Variants in TMEM223 observed in about 807,000 individuals in gnomAD.
The protein encoded by TMEM223 is transmembrane protein 223.
Under a neutral mutation model 14.1 loss-of-function variants are expected in TMEM223, and 14 were observed. That is an observed-to-expected ratio of 0.99 (90% confidence interval 0.66 to 1.55). TMEM223 has a LOEUF of 1.55. TMEM223 is among the 40% of genes most tolerant of loss of function. The pLI is 0.00. For missense variants in TMEM223, 346 were observed against 269.9 expected, an observed-to-expected ratio of 1.28 and a Z score of -1.97; for synonymous variants, 145 against 120.5, an observed-to-expected ratio of 1.20 and a Z score of -1.33.
chr11:62,781,343 T>G (rs2084228153), intron 1 of TMEM223, among the ~76,000 whole-genome samples: 1 of 151,904 alleles, frequency 6.6e-6, no homozygotes, highest in Non-Finnish European at 1.5e-5. Flanking sequence ...TGGTATTATA[T>G]TAAGCATCTG....
At position 62,791,659 on chromosome 11, in the gene TMEM223, G is replaced by A. The variant is rs925614624; in HGVS notation, c.316+20C>T. 2.0e-6 allele frequency: 3 copies of A among 1,509,902 alleles called. No homozygotes were observed. The highest frequency in any genetic ancestry group is 2.7e-6 in the Non-Finnish European group (3 of 1,129,124). The allele number at this position is 1,509,902 out of a possible 1,614,324, so 93.5% of individuals were successfully genotyped here. ...CCGCCACCCCACGTTGTCACAGTGGGAAGCCAGCCCACGTCTTACCGATGG... is the reference window on the plus strand; with the variant it reads ...CCGCCACCCCACGTTGTCACAGTGGAAAGCCAGCCCACGTCTTACCGATGG... On this transcript the variant is annotated intron_variant, in intron 1 of 1. Transcript: ENST00000307366.
chr11:62,781,215 G>A (rs1326247613), intron 1 of TMEM223, among the ~76,000 whole-genome samples: 2 of 149,452 alleles, frequency 1.3e-5, no homozygotes, highest in Admixed American at 6.7e-5. Flanking sequence ...CAGCCTGGGC[G>A]ACAGGGCGAG....
downstream of TMEM223, chr11:62,787,151 G>A: frequency 6.4e-7 from 1 of 1,573,512 alleles, no homozygotes; most frequent in East Asian, 2.3e-5. Flanking sequence ...CGCTGCCGCG[G>A]GCGCCTTTTC....
exon 3 of TMEM223, chr11:62,771,989 G>A (rs1384907232): frequency 4.9e-6 from 2 of 405,144 alleles, no homozygotes; most frequent in Non-Finnish European, 9.8e-6. Flanking sequence ...TCCCCATACA[G>A]CTGGCGGCTC....
intron 1 of TMEM223, chr11:62,775,645 C>A: frequency 9.5e-7 from 1 of 1,052,300 alleles, no homozygotes; most frequent in Non-Finnish European, 1.3e-6. Flanking sequence ...CATCTGGGTA[C>A]TCAGAGCTCC....
chr11:62,777,951 C>G (rs201832750), intron 1 of TMEM223: 73 of 1,611,768 alleles, frequency 4.5e-5, no homozygotes, highest in Non-Finnish European at 5.5e-5. Flanking sequence ...TGGATTCAGG[C>G]TGCTCTCCAA....
chr11:62,791,163 T>A (rs1167574424), intron 1 of TMEM223, among the ~76,000 whole-genome samples: 1 of 152,148 alleles, frequency 6.6e-6, no homozygotes, highest in Non-Finnish European at 1.5e-5. Context: ...AATGGGAAGA[T>A]GGAGAGCTTT....
At chr11:62,785,092 C>A (rs1290387840), downstream of TMEM223, among the ~76,000 whole-genome samples, 1 of 152,010 alleles carries the variant, frequency 6.6e-6, no homozygotes, top group African/African-American at 2.4e-5. Context: ...ATCCTTTGGC[C>A]TTCCCAAAGT....
chr11:62,790,572 G>C lies in TMEM223; in HGVS notation c.*51C>G, dbSNP rs550678956. ...GAACCAACACACCTGGCTCCCCAAG[G>C]TTCAGTTTTTATCCTCCTCTTGGAG... On this transcript the variant is annotated 3_prime_UTR_variant, in exon 2 of 2. Coordinates refer to ENST00000307366, the MANE Select transcript of TMEM223 (RefSeq NM_001080501.3). The C allele has an allele frequency of 6.6e-7, 1 of 1,520,572 alleles. No homozygotes were observed. The highest frequency in any genetic ancestry group is 8.9e-7 in the Non-Finnish European group (1 of 1,121,626). 94.2% of individuals were successfully genotyped at this position (1,520,572 alleles called of 1,614,324 possible).
Position 62,790,406 on chromosome 11 carries a change from G to A in TMEM223, c.*217C>T, listed in dbSNP as rs796339904. 1.2e-5 allele frequency: 7 copies of A among 575,136 alleles called. No homozygotes were observed. The African/African-American group carries it at 1.3e-4, about 11-fold the overall frequency. 35.6% of individuals were successfully genotyped at this position (575,136 alleles called of 1,614,324 possible). ...ATCTTGACCTCCTTGTGTGACCCTG[G>A]TTGTTACTCCATTCTAAGATTGGCG... On this transcript the variant is annotated 3_prime_UTR_variant, in exon 2 of 2. Coordinates refer to ENST00000307366, the MANE Select transcript of TMEM223 (RefSeq NM_001080501.3).
intron 1 of TMEM223, chr11:62,778,705 T>TCAGGGCTGAG (rs2084204963): frequency 1.5e-6 from 1 of 657,940 alleles, no homozygotes; most frequent in Non-Finnish European, 2.7e-6. Flanking sequence ...GCCTAGATGG[T>TCAGGGCTGAG]CAGGGCTGAG....
At chr11:62,786,096 G>C, downstream of TMEM223, 1 of 828,098 alleles carries the variant, frequency 1.2e-6, no homozygotes, top group Non-Finnish European at 1.9e-6. Flanking sequence ...TAGGTATACA[G>C]TAGGTTCCAA....
chr11:62,786,675 G>A (rs1356283350), downstream of TMEM223: 1 of 1,612,008 alleles, frequency 6.2e-7, no homozygotes, highest in Admixed American at 1.7e-5. Flanking sequence ...CCAGCTTTGG[G>A]TCCGGCCTCC....
intron 2 of TMEM223, among the ~76,000 whole-genome samples, chr11:62,773,807 C>T (rs2084166907): frequency 6.6e-6 from 1 of 152,178 alleles, no homozygotes; most frequent in Non-Finnish European, 1.5e-5. Context: ...TCTAGGAAGA[C>T]ATCCCTGAGC....
At chr11:62,787,277 C>G, downstream of TMEM223, 1 of 1,553,716 alleles carries the variant, frequency 6.4e-7, no homozygotes, top group East Asian at 2.3e-5. Context: ...TCGGACTACT[C>G]GCTGTACTTG....
downstream of TMEM223, chr11:62,787,055 C>G (rs770550508): frequency 7.2e-6 from 11 of 1,524,222 alleles, no homozygotes; most frequent in Non-Finnish European, 6.1e-6. Flanking sequence ...GGGACCGGCA[C>G]CCGCGACGTT....
downstream of TMEM223, chr11:62,789,877 C>G: frequency 6.2e-7 from 1 of 1,611,716 alleles, no homozygotes; most frequent in Non-Finnish European, 8.5e-7. Context: ...CTGTCCCTGT[C>G]TCCTACAGAC....
chr11:62,776,850 G>GAA (rs71056563), intron 1 of TMEM223, among the ~76,000 whole-genome samples: 12 of 68,202 alleles, frequency 1.8e-4, no homozygotes, highest in East Asian at 9.8e-4. Flanking sequence ...CTCAAAAAAA[G>GAA]AAAAAAAAAA....
At position 62,791,625 on chromosome 11, in the gene TMEM223, G is replaced by A. The variant is rs2084361902; in HGVS notation, c.316+54C>T. The A allele has an allele frequency of 3.4e-6, 5 of 1,471,144 alleles. No individual in the cohort carries two copies. In the East Asian group the frequency reaches 9.9e-5, roughly 29 times the overall value. 91.1% of individuals were successfully genotyped at this position (1,471,144 alleles called of 1,614,324 possible). A position where few individuals can be genotyped will look rare whatever the true frequency, so the allele number is the denominator to read the frequency against. ...TGACTCTCCCTGCCTGTATAGGGAAGGTCGTGTCCCGCCACCCCACGTTGT... is the reference window on the plus strand; with the variant it reads ...TGACTCTCCCTGCCTGTATAGGGAAAGTCGTGTCCCGCCACCCCACGTTGT... On this transcript the variant is annotated intron_variant, in intron 1 of 1. Coordinates refer to ENST00000307366, the MANE Select transcript of TMEM223 (RefSeq NM_001080501.3).
Sources: gnomAD v4.1 joint callset for allele counts (sites outside exome capture counted in the v4.1 genomes callset) on GRCh38, gnomAD v4.1.1 for gene constraint, MANE v1.5 for transcripts, NCBI Gene and HGNC (gene_info 2026-07-23, HGNC 2026-07-21) for gene names.